The following MEIKIN variants were observed in gnomAD, a reference collection of about 807,000 sequenced individuals.
MEIKIN encodes meiosis-specific kinetochore protein.
intron 8 of MEIKIN, among the ~76,000 whole-genome samples, chr5:131,891,989 G>A (rs978804431): frequency 1.3e-5 from 2 of 152,074 alleles, no homozygotes; most frequent in Non-Finnish European, 2.9e-5. Flanking sequence ...TAGTTTGGCT[G>A]GATATGAAAT....
chr5:131,945,487 A>G lies in MEIKIN; in HGVS notation c.19T>C (p.Tyr7His). 1 of 399,612 alleles carries G rather than the reference A, an allele frequency of 2.5e-6. No individual in the cohort carries two copies. The highest frequency in any genetic ancestry group is 4.4e-6 in the Non-Finnish European group (1 of 226,146). The allele number at this position is 399,612 out of a possible 1,614,324, so 24.8% of individuals were successfully genotyped here. A position where few individuals can be genotyped will look rare whatever the true frequency, so the allele number is the denominator to read the frequency against. MWPLRV[Y>H]TRKKREGQRL... ...TGACCCTCCCGCTTTTTGCGGGTAT[A>G]GACCCGTAGCGGCCACATTGCTATC... Residue 7 changes from tyrosine (Y) to histidine (H), a missense_variant, in exon 1 of 13, where the codon TAT becomes CAT. By Grantham distance (83) the Tyr-to-His change is moderately conservative. Coordinates refer to ENST00000442687, the MANE Select transcript of MEIKIN (RefSeq NM_001303622.2).
chr5:131,861,341 T>C (rs1185176983), intron 9 of MEIKIN, among the ~76,000 whole-genome samples: 5 of 151,980 alleles, frequency 3.3e-5, no homozygotes, highest in African/African-American at 7.2e-5. Context: ...GGAGCCAAGA[T>C]TGCACCATTG....
intron 11 of MEIKIN, among the ~76,000 whole-genome samples, chr5:131,826,760 CT>C (rs1749617024): frequency 6.6e-6 from 1 of 151,966 alleles, no homozygotes; most frequent in African/African-American, 2.4e-5. Context: ...TTCCTGCCAC[CT>C]TGTGAAGAAG....
At chr5:131,836,212 C>T (rs1230315644) in intron 11 of MEIKIN, among the ~76,000 whole-genome samples, 1 of 152,108 alleles carries the variant, frequency 6.6e-6, no homozygotes, top group Non-Finnish European at 1.5e-5. Context: ...CATGTTCCTG[C>T]AAAAGACATG....
chr5:131,820,654 C>T (rs185895173), intron 11 of MEIKIN, among the ~76,000 whole-genome samples: 17 of 152,254 alleles, frequency 1.1e-4, no homozygotes, highest in African/African-American at 2.2e-4. Flanking sequence ...TGAGGTCCTG[C>T]GCTTTTCTTT....
intron 8 of MEIKIN, among the ~76,000 whole-genome samples, chr5:131,896,196 T>C (rs1751047369): frequency 6.6e-6 from 1 of 152,210 alleles, no homozygotes. Context: ...TTGTGTGGTT[T>C]TGAGTGAGTT....
At chr5:131,854,431 T>C (rs1363882223) in intron 10 of MEIKIN, among the ~76,000 whole-genome samples, 1 of 152,152 alleles carries the variant, frequency 6.6e-6, no homozygotes, top group Non-Finnish European at 1.5e-5. Flanking sequence ...GGTTGCATAA[T>C]GATGTGAATG....
At chr5:131,939,906 T>G (rs1416411998) in intron 4 of MEIKIN, among the ~76,000 whole-genome samples, 1 of 152,222 alleles carries the variant, frequency 6.6e-6, no homozygotes, top group African/African-American at 2.4e-5. Context: ...AAATGGTATT[T>G]TCTCTAAATA....
In MEIKIN at chr5:131,872,381, T is replaced by C. The variant is rs567763626; in HGVS notation, c.774+6597A>G. ...AGCCTCAGTAGCTGATGCAATCAACTGGAAGAAAGGGTATCAGTGATGGAA... is the reference window on the plus strand; with the variant it reads ...AGCCTCAGTAGCTGATGCAATCAACCGGAAGAAAGGGTATCAGTGATGGAA... On this transcript the variant is annotated intron_variant, in intron 9 of 12. Coordinates refer to ENST00000442687, the MANE Select transcript of MEIKIN (RefSeq NM_001303622.2). Among the ~76,000 whole-genome samples, 4 of 152,172 alleles carry C rather than the reference T, an allele frequency of 2.6e-5. No individual in the cohort carries two copies. In the South Asian group the frequency reaches 8.3e-4, roughly 32 times the overall value.
chr5:131,910,282 A>G (rs555135669), intron 8 of MEIKIN, among the ~76,000 whole-genome samples: 30 of 152,308 alleles, frequency 2.0e-4, no homozygotes, highest in Admixed American at 5.2e-4. Flanking sequence ...CATGAATGAA[A>G]CTGAAGGTCA....
chr5:131,930,883 T>C (rs1751677741), intron 5 of MEIKIN, among the ~76,000 whole-genome samples: 3 of 152,222 alleles, frequency 2.0e-5, no homozygotes, highest in Non-Finnish European at 2.9e-5. Context: ...ATTTGGTTCA[T>C]GTATTGTTCT....
At chr5:131,873,469 C>T (rs1750545555) in intron 9 of MEIKIN, among the ~76,000 whole-genome samples, 2 of 152,272 alleles carry the variant, frequency 1.3e-5, no homozygotes, top group South Asian at 2.1e-4. Context: ...TATATATGCA[C>T]CCAATATAGG....
intron 8 of MEIKIN, among the ~76,000 whole-genome samples, chr5:131,890,622 T>C (rs1750894180): frequency 6.6e-6 from 1 of 152,226 alleles, no homozygotes; most frequent in African/African-American, 2.4e-5. Context: ...TCTTTATTAG[T>C]CTTGCTAGTG....
intron 6 of MEIKIN, among the ~76,000 whole-genome samples, chr5:131,917,555 C>T (rs1415121690): frequency 7.6e-6 from 1 of 131,974 alleles, no homozygotes; most frequent in Non-Finnish European, 1.6e-5. Context: ...AAGAGTGATA[C>T]TCCATCTCAA....
intron 8 of MEIKIN, among the ~76,000 whole-genome samples, chr5:131,885,241 TGGCTTTAGTTCTGACCAAGCACAGTCCCA>T (rs1420868243): frequency 2.0e-5 from 3 of 152,074 alleles, no homozygotes; most frequent in African/African-American, 4.8e-5. Context: ...AGTGCTGTGC[TGGCTTTAGTTCTGACCAAGCACAGTCCCA>T]GTATTGGGAA....
At chr5:131,838,956 C>T (rs955745478) in intron 11 of MEIKIN, among the ~76,000 whole-genome samples, 4 of 151,958 alleles carry the variant, frequency 2.6e-5, no homozygotes, top group Non-Finnish European at 4.4e-5. Flanking sequence ...GGTTGTTAAT[C>T]TGAAATCTTT....
At chr5:131,941,351 G>A (rs1033633902) in intron 4 of MEIKIN, among the ~76,000 whole-genome samples, 2 of 151,458 alleles carry the variant, frequency 1.3e-5, no homozygotes, top group African/African-American at 4.9e-5. Flanking sequence ...TAGAGACGGG[G>A]TTTCACCATG....
At chr5:131,865,539 G>T (rs574037969) in intron 9 of MEIKIN, among the ~76,000 whole-genome samples, 1 of 152,308 alleles carries the variant, frequency 6.6e-6, no homozygotes, top group East Asian at 1.9e-4. Context: ...TTTGTATTAG[G>T]ATCTGTTGCT....
rs56710035 is a variant in MEIKIN at position 131,936,453 on chromosome 5, G to A, written c.350-2812C>T. On this transcript the variant is annotated intron_variant, in intron 4 of 12. Transcript: ENST00000442687. ...TTATTATGACTATTCAAATATACTC[G>A]TAGCCAAGCCCTATACTGTGGGCCA... is the stretch of plus-strand genomic sequence containing the variant. Among the ~76,000 whole-genome samples the A allele has an allele frequency of 6.4e-3, 973 of 152,132 alleles. 8 individuals are homozygous for A. The highest frequency in any genetic ancestry group is 0.022 in the African/African-American group (910 of 41,492).
Sources: gnomAD v4.1 joint callset for allele counts (sites outside exome capture counted in the v4.1 genomes callset) on GRCh38, gnomAD v4.1.1 for gene constraint, MANE v1.5 for transcripts, NCBI Gene and HGNC (gene_info 2026-07-23, HGNC 2026-07-21) for gene names.